CCDC91: variants seen among roughly 807,000 people sequenced by gnomAD.
The protein encoded by CCDC91 is coiled-coil domain-containing protein 91.
In CCDC91, 48 loss-of-function variants were observed where a neutral mutation model predicts 63.2. That is an observed-to-expected ratio of 0.76 (90% CI 0.60 to 0.97). The LOEUF (loss-of-function observed/expected upper bound fraction) is 0.97. Ranked by LOEUF, CCDC91 falls within the 50% of genes least tolerant of loss-of-function variation. The pLI is 0.00. For synonymous variants in CCDC91, 167 were observed against 165.8 expected, an observed-to-expected ratio of 1.01 and a Z score of -0.06; for missense variants, 500 against 494.6, an observed-to-expected ratio of 1.01 and a Z score of -0.10.
chr12:28,380,757 TATCA>T (rs1283110224), intron 7 of CCDC91, among the ~76,000 whole-genome samples: 5 of 152,124 alleles, frequency 3.3e-5, no homozygotes, highest in Non-Finnish European at 5.9e-5. Context: ...TCTTTAACAA[TATCA>T]ATCAATATAA....
At chr12:28,220,834 T>C (rs564541993) in intron 1 of CCDC91, among the ~76,000 whole-genome samples, 8 of 152,158 alleles carry the variant, frequency 5.3e-5, no homozygotes, top group Non-Finnish European at 1.2e-4. Flanking sequence ...TTGTATATAA[T>C]GTGTTCTTTT....
At chr12:28,449,206 A>G (rs1208759378) in intron 8 of CCDC91, among the ~76,000 whole-genome samples, 1 of 152,076 alleles carries the variant, frequency 6.6e-6, no homozygotes, top group Admixed American at 6.5e-5. Context: ...CTTACTCTCA[A>G]TATAGACTGT....
intron 8 of CCDC91, among the ~76,000 whole-genome samples, chr12:28,416,861 C>T (rs1470998848): frequency 2.0e-5 from 3 of 152,036 alleles, no homozygotes; most frequent in Non-Finnish European, 4.4e-5. Flanking sequence ...ACACACTTAT[C>T]ATATGTAGTA....
intron 8 of CCDC91, among the ~76,000 whole-genome samples, chr12:28,408,236 T>C (rs1018197760): frequency 2.0e-5 from 3 of 152,152 alleles, no homozygotes; most frequent in Admixed American, 6.5e-5. Flanking sequence ...CATGTGGTGT[T>C]TGGTTTTCTG....
chr12:28,370,092 C>A (rs1006066581), intron 7 of CCDC91, among the ~76,000 whole-genome samples: 1 of 152,152 alleles, frequency 6.6e-6, no homozygotes, highest in African/African-American at 2.4e-5. Context: ...TTACTGCAGC[C>A]AACTTGAATT....
intron 11 of CCDC91, among the ~76,000 whole-genome samples, chr12:28,473,671 T>C (rs1950935565): frequency 6.6e-6 from 1 of 152,116 alleles, no homozygotes; most frequent in Non-Finnish European, 1.5e-5. Context: ...CATTGATTCC[T>C]GAAATAAATA....
At chr12:28,419,327 G>A (rs1416349542) in intron 8 of CCDC91, among the ~76,000 whole-genome samples, 1 of 152,046 alleles carries the variant, frequency 6.6e-6, no homozygotes, top group Non-Finnish European at 1.5e-5. Context: ...AGGCCAACTA[G>A]TAAAACTATC....
chr12:28,470,076 G>A (rs1421780724), intron 11 of CCDC91, among the ~76,000 whole-genome samples: 1 of 152,010 alleles, frequency 6.6e-6, no homozygotes, highest in Admixed American at 6.6e-5. Flanking sequence ...AACAAAAATG[G>A]ACAAATGGGA....
intron 8 of CCDC91, among the ~76,000 whole-genome samples, chr12:28,421,749 T>A (rs555882250): frequency 2.4e-4 from 37 of 152,106 alleles, no homozygotes; most frequent in African/African-American, 8.9e-4. Flanking sequence ...TCTGCCTGTT[T>A]CCCTTAAGGA....
intron 1 of CCDC91, 53 bp from the exon 2 acceptor site, chr12:28,257,149 G>T: frequency 9.7e-7 from 1 of 1,028,570 alleles, no homozygotes; most frequent in South Asian, 1.3e-5. Context: ...AGAGTATTTT[G>T]ACATAAATGA....
intron 12 of CCDC91, among the ~76,000 whole-genome samples, chr12:28,490,920 A>G: frequency 1.2e-5 from 1 of 82,232 alleles, no homozygotes; most frequent in Non-Finnish European, 2.8e-5. Context: ...CCTATTTGTC[A>G]TTTCCATTTC....
chr12:28,458,621 C>G (rs1950170536), intron 11 of CCDC91, among the ~76,000 whole-genome samples: 1 of 151,726 alleles, frequency 6.6e-6, no homozygotes, highest in African/African-American at 2.4e-5. Flanking sequence ...AGGTGCACAC[C>G]ACCACACCTG....
At chr12:28,304,261 C>T (rs891803233) in intron 3 of CCDC91, among the ~76,000 whole-genome samples, 3 of 150,746 alleles carry the variant, frequency 2.0e-5, no homozygotes, top group African/African-American at 7.3e-5. Context: ...CCTGTAATCC[C>T]AGCTACTTGG....
At chr12:28,304,691 T>C in intron 3 of CCDC91, 14 of 1,258,552 alleles carry the variant, frequency 1.1e-5, no homozygotes, top group Non-Finnish European at 1.4e-5. Context: ...CTGAAGTTGC[T>C]GATGCCAATG....
intron 1 of CCDC91, among the ~76,000 whole-genome samples, chr12:28,196,320 A>G (rs527245503): frequency 6.7e-6 from 1 of 149,582 alleles, no homozygotes; most frequent in Non-Finnish European, 1.5e-5. Context: ...TTGATCTTGA[A>G]TTTTTGAATT....
chr12:28,502,076 G>A (rs1042287248), intron 12 of CCDC91, among the ~76,000 whole-genome samples: 91 of 151,602 alleles, frequency 6.0e-4, no homozygotes, highest in Admixed American at 1.3e-3. Flanking sequence ...TTTTTATTGC[G>A]TCTATTTGAT....
chr12:28,511,755 G>A (rs1245478843), intron 12 of CCDC91, among the ~76,000 whole-genome samples: 1 of 151,822 alleles, frequency 6.6e-6, no homozygotes, highest in Non-Finnish European at 1.5e-5. Flanking sequence ...GCACTCATAT[G>A]TCAATTTTGT....
At chr12:28,305,539 T>A in intron 3 of CCDC91, 110 bp from the exon 4 acceptor site, 1 of 920,082 alleles carries the variant, frequency 1.1e-6, no homozygotes, top group South Asian at 2.4e-5. Flanking sequence ...TTTACTTTCC[T>A]TACTTTTTTC....
At chr12:28,299,098 T>C (rs1426504394) in intron 3 of CCDC91, among the ~76,000 whole-genome samples, 1 of 151,566 alleles carries the variant, frequency 6.6e-6, no homozygotes, top group African/African-American at 2.4e-5. Context: ...TAGGGAAGGA[T>C]TTTGTGGAGA....
Sources: gnomAD v4.1 joint callset for allele counts (sites outside exome capture counted in the v4.1 genomes callset) on GRCh38, gnomAD v4.1.1 for gene constraint, MANE v1.5 for transcripts, NCBI Gene and HGNC (gene_info 2026-07-23, HGNC 2026-07-21) for gene names.